Variants in IGF2BP2 observed in about 807,000 individuals in gnomAD.
IGF2BP2 encodes insulin like growth factor 2 mRNA binding protein 2.
In IGF2BP2, 17 loss-of-function variants were observed where a neutral mutation model predicts 75.8. The ratio of observed to expected loss-of-function variants is 0.22; its 90% CI spans 0.15 to 0.34. The LOEUF (loss-of-function observed/expected upper bound fraction) is 0.34. IGF2BP2 is among the 10% of genes least tolerant of loss of function. IGF2BP2 has a pLI of 1.00. For synonymous variants in IGF2BP2, 288 were observed against 295.6 expected (o/e 0.97, Z 0.26); for missense variants, 516 against 772.4 (o/e 0.67, Z 3.93).
At chr3:185,771,803 T>C (rs1016841702) in intron 2 of IGF2BP2, among the ~76,000 whole-genome samples, 1 of 152,210 alleles carries the variant, frequency 6.6e-6, no homozygotes. Flanking sequence ...ACACTTAGTC[T>C]TGGTAATGAA....
In IGF2BP2 at chr3:185,645,744, T is replaced by A. The variant is rs777845180; in HGVS notation, c.1708-121A>T. The A allele has an allele frequency of 1.4e-4, 102 of 716,044 alleles. No individual in the cohort carries two copies. The highest frequency in any genetic ancestry group is 1.6e-4 in the Non-Finnish European group (62 of 398,498). The allele number at this position is 716,044 out of a possible 1,614,324, so 44.4% of individuals were successfully genotyped here. A position where few individuals can be genotyped will look rare whatever the true frequency, so the allele number is the denominator to read the frequency against. On this transcript the variant is annotated intron_variant, in intron 15 of 15. Coordinates refer to ENST00000382199, the MANE Select transcript of IGF2BP2 (RefSeq NM_006548.6). This position sits in a 1 kb window ranked among gnomAD's most constrained non-coding sequence, Gnocchi z 4.9. ...GAAGGGTGGAATGCTCAGACAAGCA[T>A]CATCTACCCACCCCCGCACGTTACT... is the stretch of plus-strand genomic sequence containing the variant.
chr3:185,705,320 C>T (rs1177485428), intron 2 of IGF2BP2, among the ~76,000 whole-genome samples: 1 of 152,218 alleles, frequency 6.6e-6, no homozygotes, highest in African/African-American at 2.4e-5. Context: ...TGGTCTCGAT[C>T]TCCTGACCTC....
At chr3:185,788,145 G>A (rs1239055500) in intron 2 of IGF2BP2, among the ~76,000 whole-genome samples, 1 of 152,096 alleles carries the variant, frequency 6.6e-6, no homozygotes, top group Non-Finnish European at 1.5e-5. Context: ...TTACTGCTGG[G>A]TCCTTAGTAT....
intron 2 of IGF2BP2, among the ~76,000 whole-genome samples, chr3:185,765,741 T>G (rs559249498): frequency 7.2e-5 from 11 of 152,198 alleles, no homozygotes; most frequent in Non-Finnish European, 1.3e-4. Context: ...GATGTCAAAC[T>G]TATCTTTGAC....
chr3:185,689,986 A>G (rs1577981408), intron 5 of IGF2BP2, among the ~76,000 whole-genome samples: 2 of 149,452 alleles, frequency 1.3e-5, no homozygotes, highest in Admixed American at 1.3e-4. Context: ...AAAAAAAAAG[A>G]AAGACCCTCC....
chr3:185,817,166 G>C (rs905056139), intron 2 of IGF2BP2, among the ~76,000 whole-genome samples: 3 of 152,124 alleles, frequency 2.0e-5, no homozygotes, highest in African/African-American at 7.2e-5. Context: ...AATCCTATCT[G>C]AATGTTCACA....
At chr3:185,700,706 A>G (rs61078683) in intron 2 of IGF2BP2, among the ~76,000 whole-genome samples, 5,055 of 152,318 alleles carry the variant, frequency 0.033, 154 homozygotes, top group East Asian at 0.13. Context: ...ATTTACTGGT[A>G]GATATTCTAT....
At chr3:185,665,320 A>AAGGAGGAGGAGGAGG (rs773580962) in intron 10 of IGF2BP2, among the ~76,000 whole-genome samples, 33 of 50,074 alleles carry the variant, frequency 6.6e-4, no homozygotes, top group East Asian at 1.6e-3. Context: ...GCAGAAGGAG[A>AAGGAGGAGGAGGAGG]AGGAGGAGGA....
Position 185,694,937 on chromosome 3 carries a change from A to G in IGF2BP2, c.340+1675T>C, listed in dbSNP as rs1722388753. On this transcript the variant is annotated intron_variant, in intron 4 of 15. Coordinates refer to ENST00000382199, the MANE Select transcript of IGF2BP2 (RefSeq NM_006548.6). ...CCCTGTCTCTACTAAAACTACAAAA[A>G]TTAGCCAGGCATGGTGGCGCTCACC... Among the ~76,000 whole-genome samples, 4 of 152,148 alleles carry G rather than the reference A, an allele frequency of 2.6e-5. No homozygotes were observed. In the South Asian group the frequency reaches 8.3e-4, roughly 32 times the overall value.
chr3:185,734,116 G>A (rs1238601524), intron 2 of IGF2BP2, among the ~76,000 whole-genome samples: 1 of 152,156 alleles, frequency 6.6e-6, no homozygotes, highest in African/African-American at 2.4e-5. Context: ...GTAACCCAGG[G>A]AAACCTGCTC....
chr3:185,693,361 G>T (rs1016368574), intron 4 of IGF2BP2: 6 of 152,114 alleles, frequency 3.9e-5, no homozygotes, highest in Admixed American at 3.3e-4. Flanking sequence ...ATTATAATTT[G>T]CATTAATTCT....
chr3:185,757,108 G>GCA (rs1007907557), intron 2 of IGF2BP2, among the ~76,000 whole-genome samples: 3 of 152,260 alleles, frequency 2.0e-5, no homozygotes, highest in Admixed American at 2.0e-4. Flanking sequence ...GACACATTAT[G>GCA]CACACTTGTG....
At chr3:185,695,501 TA>T (rs1722465260) in intron 4 of IGF2BP2, among the ~76,000 whole-genome samples, 1 of 152,196 alleles carries the variant, frequency 6.6e-6, no homozygotes, top group African/African-American at 2.4e-5. Context: ...TCGCAGTCAG[TA>T]AATGACTGAA....
Position 185,704,205 on chromosome 3 carries a change from G to A in IGF2BP2, c.240-5858C>T, listed in dbSNP as rs535127273. Among the ~76,000 whole-genome samples, 133 of 152,298 alleles carry A rather than the reference G, an allele frequency of 8.7e-4. 1 individual carries two copies. The highest frequency in any genetic ancestry group is 3.0e-3 in the African/African-American group (123 of 41,556). ...TAAAGAGAGGCAGGTATGCTAACCG[G>A]CCCCGAGCTGGGACAGAAACCACCA... On this transcript the variant is annotated intron_variant, in intron 2 of 15. Transcript: ENST00000382199.
chr3:185,824,924 C>T lies in IGF2BP2; in HGVS notation c.37G>A (p.Ala13Thr), dbSNP rs779157781. 1.3e-6 allele frequency: 2 copies of T among 1,562,486 alleles called. No individual in the cohort carries two copies. The highest frequency in any genetic ancestry group is 5.0e-5 in the East Asian group (2 of 40,100). ...TGCCGGAGGTCGTCGGCGGTGACGGCGGGGCTCAGGTTCCCGATGTAAAGC... is the reference window on the plus strand; with the variant it reads ...TGCCGGAGGTCGTCGGCGGTGACGGTGGGGCTCAGGTTCCCGATGTAAAGC... ...NKLYIGNLSP[A>T]VTADDLRQLF... The change falls in exon 1 of 16, where the codon GCC (alanine) becomes ACC (threonine). Residue 13 changes from alanine to threonine, a missense_variant. Ala to Thr is a moderately conservative substitution (Grantham distance 58, BLOSUM62 0). Coordinates refer to ENST00000382199, the MANE Select transcript of IGF2BP2 (RefSeq NM_006548.6).
At chr3:185,769,404 T>C (rs1578242849) in intron 2 of IGF2BP2, among the ~76,000 whole-genome samples, 1 of 151,932 alleles carries the variant, frequency 6.6e-6, no homozygotes, top group East Asian at 1.9e-4. Context: ...ACGGAAGTTA[T>C]AAAGAGACAG....
chr3:185,685,357 C>G (rs371064088), intron 7 of IGF2BP2, among the ~76,000 whole-genome samples: 3 of 151,512 alleles, frequency 2.0e-5, no homozygotes, highest in Non-Finnish European at 4.4e-5. Context: ...AAAAAGGAAT[C>G]CAGAAAAGTA....
At chr3:185,713,981 G>A (rs987755110) in intron 2 of IGF2BP2, among the ~76,000 whole-genome samples, 4 of 152,220 alleles carry the variant, frequency 2.6e-5, no homozygotes, top group African/African-American at 4.8e-5. Flanking sequence ...GATTACAGGC[G>A]TGAGCCACCA....
chr3:185,646,514 A>G (rs1047161187), intron 15 of IGF2BP2, among the ~76,000 whole-genome samples: 1 of 152,260 alleles, frequency 6.6e-6, no homozygotes, highest in Admixed American at 6.5e-5. Context: ...GCCTTTCCCA[A>G]TGAAAGAGAA....
Sources: gnomAD v4.1 joint callset for allele counts (sites outside exome capture counted in the v4.1 genomes callset) on GRCh38, gnomAD v4.1.1 for gene constraint, Gnocchi (gnomAD v3.1) non-coding constraint, MANE v1.5 for transcripts, NCBI Gene and HGNC (gene_info 2026-07-23, HGNC 2026-07-21) for gene names.